CDH8: variants seen among roughly 807,000 people sequenced by gnomAD.
The protein encoded by CDH8 is cadherin-8.
In CDH8, 17 loss-of-function variants were observed where a neutral mutation model predicts 68.1. That is an observed-to-expected ratio of 0.25 (90% CI 0.17 to 0.37). CDH8 has a LOEUF of 0.37. Among genes scored for constraint, CDH8 ranks in the 10% least tolerant of loss-of-function variants. CDH8 has a pLI of 1.00. For missense variants in CDH8, 763 were observed against 999.3 expected, an observed-to-expected ratio of 0.76 and a Z score of 3.19; for synonymous variants, 372 against 365.1, an observed-to-expected ratio of 1.02 and a Z score of -0.21.
At chr16:61,921,584 T>G (rs1964368750) in intron 2 of CDH8, among the ~76,000 whole-genome samples, 1 of 152,230 alleles carries the variant, frequency 6.6e-6, no homozygotes, top group Non-Finnish European at 1.5e-5. Context: ...TTACAGAATA[T>G]GATTTTTTGA....
intron 2 of CDH8, among the ~76,000 whole-genome samples, chr16:61,934,953 A>G (rs1964606221): frequency 6.6e-6 from 1 of 152,202 alleles, no homozygotes; most frequent in Non-Finnish European, 1.5e-5. Flanking sequence ...GACCAGATAG[A>G]AAACTGTGTT....
At chr16:61,819,042 A>G (rs1168064002) in intron 6 of CDH8, among the ~76,000 whole-genome samples, 1 of 151,600 alleles carries the variant, frequency 6.6e-6, no homozygotes, top group Non-Finnish European at 1.5e-5. Flanking sequence ...ATCATGCAAC[A>G]TCAGCATATT....
intron 4 of CDH8, among the ~76,000 whole-genome samples, chr16:61,838,201 C>T (rs1419304226): frequency 6.6e-6 from 1 of 152,072 alleles, no homozygotes; most frequent in African/African-American, 2.4e-5. Context: ...ACATGACTCT[C>T]CTTTGGCTTA....
At chr16:61,798,589 G>C (rs1293777125) in intron 7 of CDH8, among the ~76,000 whole-genome samples, 1 of 152,152 alleles carries the variant, frequency 6.6e-6, no homozygotes, top group Non-Finnish European at 1.5e-5. Flanking sequence ...AAACAGCACA[G>C]GTCGAAACTG....
intron 9 of CDH8, chr16:61,714,378 C>A (rs1235675872): frequency 5.4e-6 from 1 of 186,300 alleles, no homozygotes; most frequent in East Asian, 1.8e-4. Flanking sequence ...CCTCACAACT[C>A]TTTTACTCAT....
chr16:62,021,407 C>G lies in CDH8; in HGVS notation c.-4G>C. 6.3e-7 allele frequency: 1 copy of G among 1,594,664 alleles called. No homozygotes were observed. Among genetic ancestry groups the G allele is most frequent in the Non-Finnish European group, 8.6e-7 (1 of 1,169,538 alleles). On this transcript the variant is annotated 5_prime_UTR_variant, in exon 2 of 12. Coordinates refer to ENST00000577390, the MANE Select transcript of CDH8 (RefSeq NM_001796.5). The stretch of plus-strand genomic sequence containing the variant: ...TTTCCGCTAGCCGTTCTGGCATGGT[C>G]CCACCAGTTAAGCAAATCACCACGA...
At chr16:61,853,089 C>A (rs1016652380) in intron 4 of CDH8, among the ~76,000 whole-genome samples, 7 of 151,904 alleles carry the variant, frequency 4.6e-5, no homozygotes, top group Non-Finnish European at 1.0e-4. Flanking sequence ...ATAAACAAGT[C>A]AATAAACAAG....
At chr16:62,014,160 G>A (rs1901882720) in intron 2 of CDH8, among the ~76,000 whole-genome samples, 1 of 152,168 alleles carries the variant, frequency 6.6e-6, no homozygotes, top group African/African-American at 2.4e-5. Flanking sequence ...AATCCTCCAT[G>A]TGCATGTGTG....
chr16:61,849,646 T>C (rs1423863361), intron 4 of CDH8, among the ~76,000 whole-genome samples: 1 of 152,172 alleles, frequency 6.6e-6, no homozygotes, highest in Non-Finnish European at 1.5e-5. Context: ...GGAAAGAGGT[T>C]CTAGGTCTCC....
chr16:61,680,837 G>A (rs1049333261), intron 10 of CDH8, among the ~76,000 whole-genome samples: 22 of 151,842 alleles, frequency 1.4e-4, no homozygotes, highest in African/African-American at 5.3e-4. Context: ...AGACAAAGCT[G>A]TATATTAATA....
At chr16:61,798,869 T>G (rs1183804132) in intron 7 of CDH8, among the ~76,000 whole-genome samples, 1 of 152,240 alleles carries the variant, frequency 6.6e-6, no homozygotes, top group Non-Finnish European at 1.5e-5. Context: ...CCCATTTCTA[T>G]GTAATTATTC....
intron 2 of CDH8, among the ~76,000 whole-genome samples, chr16:61,973,376 T>C (rs1567552099): frequency 6.6e-6 from 1 of 152,262 alleles, no homozygotes; most frequent in Non-Finnish European, 1.5e-5. Context: ...ACATATGAAA[T>C]ACGTGTTAAT....
In CDH8 at chr16:61,768,356, CTCTCT is replaced by C. The variant is rs1960667790; in HGVS notation, c.1414+20985_1414+20989del. On this transcript the variant is annotated intron_variant, in intron 8 of 11. Transcript: ENST00000577390. ...TCTCTCTCTCTCTCTCTCTCTCTCT[CTCTCT>C]CTCTCTCCCTTTCTCTCTCTCTCTC... 2.7e-3 allele frequency among the ~76,000 whole-genome samples: 303 copies of C among 112,102 alleles called. 1 individual carries two copies. The highest frequency in any genetic ancestry group is 0.01 in the African/African-American group (285 of 28,130). 73.5% of individuals were successfully genotyped at this position (112,102 alleles called of 152,430 possible).
chr16:61,755,509 A>G, intron 8 of CDH8, among the ~76,000 whole-genome samples: 1 of 152,254 alleles, frequency 6.6e-6, no homozygotes, highest in South Asian at 2.1e-4. Context: ...TCAAAATAGT[A>G]GAAATAATAG....
intron 7 of CDH8, 87 bp downstream of exon 7, chr16:61,817,392 A>G: frequency 7.7e-7 from 1 of 1,293,042 alleles, no homozygotes; most frequent in South Asian, 1.2e-5. Flanking sequence ...TCCCAAGGAG[A>G]GCCCCACAGA....
At chr16:61,904,538 C>T (rs546988636) in intron 2 of CDH8, among the ~76,000 whole-genome samples, 1 of 152,276 alleles carries the variant, frequency 6.6e-6, no homozygotes, top group Admixed American at 6.5e-5. Flanking sequence ...TTAAAAAATA[C>T]TCTGGACTGT....
rs975889251 is a variant in CDH8 at position 61,648,411 on chromosome 16, G to T, written c.*5197C>A. 6.6e-6 allele frequency: 1 copy of T among 152,154 alleles called. No individual in the cohort carries two copies. Among genetic ancestry groups the T allele is most frequent in the Non-Finnish European group, 1.5e-5 (1 of 68,290 alleles). The allele number at this position is 152,154 out of a possible 1,614,324, so 9.4% of individuals were successfully genotyped here. A position where few individuals can be genotyped will look rare whatever the true frequency, so the allele number is the denominator to read the frequency against. On this transcript the variant is annotated 3_prime_UTR_variant, in exon 12 of 12. Coordinates refer to ENST00000577390, the MANE Select transcript of CDH8 (RefSeq NM_001796.5). The stretch of plus-strand genomic sequence containing the variant: ...TCCCATCTTTTTGGAAAATTTCACC[G>T]TGACGTCTTCTTGAGTCTTCCCATA...
intron 10 of CDH8, chr16:61,692,474 C>A (rs1001436443): frequency 6.6e-6 from 1 of 151,970 alleles, no homozygotes; most frequent in Non-Finnish European, 1.5e-5. Context: ...TTTCTACACA[C>A]ATACACACCA....
intron 8 of CDH8, among the ~76,000 whole-genome samples, chr16:61,759,957 T>C (rs1005744956): frequency 2.0e-5 from 3 of 152,116 alleles, no homozygotes; most frequent in African/African-American, 7.2e-5. Flanking sequence ...TATCACTCTT[T>C]GGATTGTTAG....
Sources: allele counts gnomAD v4.1 joint callset (sites outside exome capture counted in the v4.1 genomes callset), GRCh38; gene constraint gnomAD v4.1.1; transcripts MANE v1.5; gene names NCBI Gene and HGNC (gene_info 2026-07-23, HGNC 2026-07-21).